The following PTBP3 variants were observed in gnomAD, a reference collection of about 807,000 sequenced individuals.
PTBP3 encodes the protein polypyrimidine tract-binding protein 3.
In PTBP3, 20 loss-of-function variants were observed where a neutral mutation model predicts 58.7. That is an observed-to-expected ratio of 0.34 (90% CI 0.24 to 0.50). PTBP3 has a LOEUF of 0.50. Among genes scored for constraint, PTBP3 ranks in the 20% least tolerant of loss-of-function variants. The pLI is 0.98. For missense variants in PTBP3, 509 were observed against 637.2 expected, an observed-to-expected ratio of 0.80 and a Z score of 2.17; for synonymous variants, 185 against 219.8, an observed-to-expected ratio of 0.84 and a Z score of 1.40.
At chr9:112,332,237 T>C (rs1232484732) in intron 1 of PTBP3, among the ~76,000 whole-genome samples, 1 of 152,202 alleles carries the variant, frequency 6.6e-6, no homozygotes, top group Non-Finnish European at 1.5e-5. Flanking sequence ...ATCACAATCA[T>C]GAATAAAATC....
the PTBP3 span, among the ~76,000 whole-genome samples, chr9:112,373,112 G>C: frequency 6.6e-6 from 1 of 151,868 alleles, no homozygotes; most frequent in Non-Finnish European, 1.5e-5. Flanking sequence ...TAGCCAGGAT[G>C]GTCTCGATCT....
chr9:112,375,626 G>A, the PTBP3 span, among the ~76,000 whole-genome samples: 2 of 152,084 alleles, frequency 1.3e-5, no homozygotes, highest in African/African-American at 2.4e-5. Flanking sequence ...AGGGTGGCAC[G>A]AGCGGAGACC....
the PTBP3 span, among the ~76,000 whole-genome samples, chr9:112,378,104 T>C: frequency 2.1e-5 from 2 of 93,694 alleles, no homozygotes; most frequent in African/African-American, 7.4e-5. Context: ...TGTTCACAAG[T>C]CCTCTCCTTC....
chr9:112,352,330 G>C, the PTBP3 span, among the ~76,000 whole-genome samples: 1 of 152,054 alleles, frequency 6.6e-6, no homozygotes, highest in Non-Finnish European at 1.5e-5. Flanking sequence ...TTTAGTTTGA[G>C]AGTGTCAGGA....
chr9:112,309,193 C>G (rs907557653), intron 1 of PTBP3, among the ~76,000 whole-genome samples: 1 of 152,046 alleles, frequency 6.6e-6, no homozygotes. Flanking sequence ...TTTCCAGAAT[C>G]CTAGACCTTT....
At chr9:112,368,439 G>C in the PTBP3 span, among the ~76,000 whole-genome samples, 1 of 152,148 alleles carries the variant, frequency 6.6e-6, no homozygotes, top group Non-Finnish European at 1.5e-5. Context: ...CCAAAGTGCT[G>C]GGATTACAGG....
chr9:112,246,322 G>A (rs1835874912), intron 7 of PTBP3, among the ~76,000 whole-genome samples: 1 of 151,928 alleles, frequency 6.6e-6, no homozygotes, highest in Non-Finnish European at 1.5e-5. Context: ...AGCTAATAAA[G>A]GTAGAAGAAA....
intron 1 of PTBP3, among the ~76,000 whole-genome samples, chr9:112,312,718 TCAC>T (rs758754462): frequency 1.3e-5 from 2 of 151,882 alleles, no homozygotes; most frequent in Non-Finnish European, 2.9e-5. Context: ...TCAATGAAAT[TCAC>T]CACATTAGTA....
intron 1 of PTBP3, among the ~76,000 whole-genome samples, chr9:112,331,856 A>C (rs1386196886): frequency 6.6e-6 from 1 of 152,254 alleles, no homozygotes; most frequent in Non-Finnish European, 1.5e-5. Flanking sequence ...TTTAACAGCA[A>C]AGACGCAAAA....
chr9:112,300,462 G>A (rs1460929090), intron 1 of PTBP3, among the ~76,000 whole-genome samples: 1 of 152,168 alleles, frequency 6.6e-6, no homozygotes, highest in Non-Finnish European at 1.5e-5. Flanking sequence ...AACCTAAAAC[G>A]TCAGTCACGG....
At chr9:112,225,588 T>TA (rs1269195734) in intron 12 of PTBP3, among the ~76,000 whole-genome samples, 1 of 152,236 alleles carries the variant, frequency 6.6e-6, no homozygotes, top group Non-Finnish European at 1.5e-5. Flanking sequence ...ATGTGTATTT[T>TA]ATCACAGTTT....
Position 112,237,916 on chromosome 9 carries a change from C to A in PTBP3, c.803-3019G>T, listed in dbSNP as rs556494092. On this transcript the variant is annotated intron_variant, in intron 7 of 13. Transcript: ENST00000374257. ...GGAAGCTTTCACAAAAATTTACAGT[C>A]CAAATTTACATTTCTTGGAAGTCCA... Among the ~76,000 whole-genome samples the A allele has an allele frequency of 2.6e-5, 4 of 152,154 alleles. No homozygotes were observed. In the South Asian group the frequency reaches 8.3e-4, roughly 32 times the overall value.
the PTBP3 span, among the ~76,000 whole-genome samples, chr9:112,357,540 G>T: frequency 6.6e-6 from 1 of 152,016 alleles, no homozygotes; most frequent in Non-Finnish European, 1.5e-5. Context: ...ATAGAGACAG[G>T]GTTTTATCAT....
intron 5 of PTBP3, among the ~76,000 whole-genome samples, chr9:112,254,913 T>C (rs1028471804): frequency 6.6e-6 from 1 of 152,180 alleles, no homozygotes; most frequent in Non-Finnish European, 1.5e-5. Context: ...GAGATATGCA[T>C]ATACCCATGT....
At chr9:112,244,996 C>T (rs1835821083) in intron 7 of PTBP3, among the ~76,000 whole-genome samples, 1 of 152,116 alleles carries the variant, frequency 6.6e-6, no homozygotes, top group Admixed American at 6.5e-5. Flanking sequence ...TAGCAATGCC[C>T]AGAAAAACAA....
chr9:112,234,789 A>G, intron 8 of PTBP3, 31 bp downstream of exon 8: 1 of 1,565,276 alleles, frequency 6.4e-7, no homozygotes, highest in East Asian at 2.2e-5. Context: ...CTTCATTAAA[A>G]GTCATTTCAA....
the PTBP3 span, among the ~76,000 whole-genome samples, chr9:112,363,555 C>CACACAA: frequency 8.6e-6 from 1 of 115,862 alleles, no homozygotes; most frequent in South Asian, 3.5e-4. Context: ...CACACACACA[C>CACACAA]ACACAAAGGC....
chr9:112,250,024 A>C (rs1836042935), intron 7 of PTBP3, among the ~76,000 whole-genome samples: 2 of 152,110 alleles, frequency 1.3e-5, no homozygotes, highest in South Asian at 4.1e-4. Context: ...TTTTTAAATT[A>C]AAAATAATAA....
intron 1 of PTBP3, among the ~76,000 whole-genome samples, chr9:112,305,080 C>G (rs1829117467): frequency 6.6e-6 from 1 of 152,132 alleles, no homozygotes; most frequent in Non-Finnish European, 1.5e-5. Context: ...GACTAAGAAG[C>G]ATTTTTATTT....
Sources: gnomAD v4.1 joint callset for allele counts (sites outside exome capture counted in the v4.1 genomes callset) on GRCh38, gnomAD v4.1.1 for gene constraint, MANE v1.5 for transcripts, NCBI Gene and HGNC (gene_info 2026-07-23, HGNC 2026-07-21) for gene names.